ELAC1: variants seen among roughly 807,000 people sequenced by gnomAD.
The protein encoded by ELAC1 is zinc phosphodiesterase ELAC protein 1.
Under a neutral mutation model 25.8 loss-of-function variants are expected in ELAC1, and 19 were observed. The observed-to-expected ratio is 0.74, with a 90% confidence interval of 0.51 to 1.08. The LOEUF (loss-of-function observed/expected upper bound fraction) is 1.08, where lower values mean the gene tolerates loss of function less well. Ranked by LOEUF, ELAC1 falls within the 50% of genes least tolerant of loss-of-function variation. ELAC1 has a pLI of 0.00. For synonymous variants in ELAC1, 148 were observed against 160.9 expected (o/e 0.92, Z 0.61); for missense variants, 403 against 434.6 (o/e 0.93, Z 0.65).
At chr18:50,982,826 A>C (rs1252702484) in intron 2 of ELAC1, among the ~76,000 whole-genome samples, 1 of 150,216 alleles carries the variant, frequency 6.7e-6, no homozygotes, top group Non-Finnish European at 1.5e-5. Context: ...TCCCTCTCCT[A>C]CCTCCCTTCT....
chr18:50,968,272 C>G (rs1228234232), intron 1 of ELAC1, among the ~76,000 whole-genome samples, 158 bp downstream of exon 1: 5 of 152,016 alleles, frequency 3.3e-5, no homozygotes, highest in Non-Finnish European at 7.4e-5. Flanking sequence ...CTCGGCGGGC[C>G]GGAGCCTCGG....
intron 2 of ELAC1, among the ~76,000 whole-genome samples, chr18:50,976,412 G>T (rs1907797014): frequency 6.6e-6 from 1 of 152,188 alleles, no homozygotes; most frequent in African/African-American, 2.4e-5. Context: ...CATGGTGGAA[G>T]GCAAAGGCAG....
chr18:50,981,510 A>G (rs537850874), intron 2 of ELAC1, among the ~76,000 whole-genome samples: 29 of 152,266 alleles, frequency 1.9e-4, no homozygotes, highest in South Asian at 1.0e-3. Flanking sequence ...TGTGGATGAC[A>G]TATTCCCCCA....
chr18:50,974,247 C>A lies in ELAC1; in HGVS notation c.-8-150C>A, dbSNP rs1907735444. 4 of 527,262 alleles carry A rather than the reference C, an allele frequency of 7.6e-6. No homozygotes were observed. The East Asian group carries it at 1.5e-4, about 19-fold the overall frequency. 32.7% of individuals were successfully genotyped at this position (527,262 alleles called of 1,614,324 possible). On this transcript the variant is annotated intron_variant, in intron 1 of 3. Coordinates refer to ENST00000269466, the MANE Select transcript of ELAC1 (RefSeq NM_018696.3). ...TGTAGTTTTAGCCAAGTTATTAAAACCTTACTGTGGATATGTGTGGAATAC... is the reference window on the plus strand; with the variant it reads ...TGTAGTTTTAGCCAAGTTATTAAAAACTTACTGTGGATATGTGTGGAATAC...
chr18:50,970,772 C>CA (rs1599143020), intron 1 of ELAC1, among the ~76,000 whole-genome samples: 1 of 151,462 alleles, frequency 6.6e-6, no homozygotes, highest in Non-Finnish European at 1.5e-5. Flanking sequence ...AAACATAATG[C>CA]AATAAATTTA....
At chr18:50,985,143 A>G (rs528285692) in intron 3 of ELAC1, among the ~76,000 whole-genome samples, 4 of 152,198 alleles carry the variant, frequency 2.6e-5, no homozygotes, top group East Asian at 3.9e-4. Context: ...ACCTTATACT[A>G]TCTTGGTTGG....
At chr18:50,981,091 C>A (rs916138401) in intron 2 of ELAC1, among the ~76,000 whole-genome samples, 3 of 145,716 alleles carry the variant, frequency 2.1e-5, no homozygotes, top group Non-Finnish European at 2.9e-5. Context: ...ACACCCCCAC[C>A]CCCCGCCACC....
rs751258412 is a variant in ELAC1 at position 50,984,530 on chromosome 18, G to C, written c.592G>C (p.Gly198Arg). Residue 198 changes from glycine (G) to arginine (R), a missense_variant, in exon 3 of 4, where the codon GGT (glycine) becomes CGT (arginine). Physicochemically the swap from Gly to Arg is moderately radical, Grantham distance 125. Coordinates refer to ENST00000269466, the MANE Select transcript of ELAC1 (RefSeq NM_018696.3). ...GFSVVEKKRP[G>R]KLNAQKLKDL... ...TTCAGTCGTGGAAAAGAAACGCCCA[G>C]GTAAACTCAATGCACAGAAACTTAA... The C allele has an allele frequency of 2.5e-6, 4 of 1,613,956 alleles. No homozygotes were observed. In the Admixed American group the frequency reaches 6.7e-5, roughly 27 times the overall value.
At position 50,987,322 on chromosome 18, in the gene ELAC1, A is replaced by T; in HGVS notation, c.*237A>T. The T allele has an allele frequency of 2.6e-6, 1 of 383,742 alleles. No individual in the cohort carries two copies. The allele number at this position is 383,742 out of a possible 1,614,324, so 23.8% of individuals were successfully genotyped here. A position where few individuals can be genotyped will look rare whatever the true frequency, so the allele number is the denominator to read the frequency against. On this transcript the variant is annotated 3_prime_UTR_variant, in exon 4 of 4. Transcript: ENST00000269466. ...TTTGAAGTCCAGATTTGTCAAAATG[A>T]TAGACTATTCAGTTATACATCTTAT...
intron 1 of ELAC1, among the ~76,000 whole-genome samples, chr18:50,971,414 G>A (rs1431409547): frequency 6.6e-6 from 1 of 152,104 alleles, no homozygotes. Flanking sequence ...GTGAGAGTGG[G>A]TCTTGTTCTG....
chr18:50,986,674 G>A lies in ELAC1; in HGVS notation c.681G>A (p.Leu227=). The change falls in exon 4 of 4, where the codon CTG becomes CTA. Residue 227 remains leucine, a synonymous_variant. Transcript: ENST00000269466. ...TGAAAAATGGAATTTCTGTTGTTCT[G>A]GAAAATGGGGTTACAATTTCTCCCC... ...GKLKNGISVV[L]ENGVTISPQD... 3.1e-6 allele frequency: 5 copies of A among 1,614,054 alleles called. No homozygotes were observed. The highest frequency in any genetic ancestry group is 3.4e-6 in the Non-Finnish European group (4 of 1,179,956).
intron 2 of ELAC1, among the ~76,000 whole-genome samples, chr18:50,978,826 A>G (rs1599147234): frequency 6.6e-6 from 1 of 152,224 alleles, no homozygotes; most frequent in Non-Finnish European, 1.5e-5. Flanking sequence ...GGACCTAGAG[A>G]AGAAGTCAGG....
At chr18:50,974,634 AT>A in intron 2 of ELAC1, 73 bp downstream of exon 2, 1 of 1,472,962 alleles carries the variant, frequency 6.8e-7, no homozygotes, top group Non-Finnish European at 9.4e-7. Flanking sequence ...CTCCTTGGAC[AT>A]TTTGTTTAGA....
chr18:50,972,813 A>G (rs907691149), intron 1 of ELAC1, among the ~76,000 whole-genome samples: 2 of 152,184 alleles, frequency 1.3e-5, no homozygotes. Context: ...AGATTGCTGT[A>G]GTAAATGTTA....
At chr18:50,972,063 G>GTT (rs11404046) in intron 1 of ELAC1, among the ~76,000 whole-genome samples, 1 of 144,862 alleles carries the variant, frequency 6.9e-6, no homozygotes, top group Non-Finnish European at 1.5e-5. Context: ...TTTTTTTCAG[G>GTT]TTTTTTTTCT....
rs552455433 is a variant in ELAC1 at position 50,983,155 on chromosome 18, G to GTTTTTTTTTT, written c.158-924_158-915dup. On this transcript the variant is annotated intron_variant, in intron 2 of 3. Transcript: ENST00000269466. ...GGTACACTTGTATATTTTACTTGGT[G>GTTTTTTTTTT]TTTTTTTTTTTTTTTTTTTTTTTTT... Among the ~76,000 whole-genome samples, 9 of 60,876 alleles carry GTTTTTTTTTT rather than the reference G, an allele frequency of 1.5e-4. 1 individual carries two copies. Among genetic ancestry groups the GTTTTTTTTTT allele is most frequent in the African/African-American group, 4.4e-4 (7 of 15,876 alleles). The allele number at this position is 60,876 out of a possible 152,430, so 39.9% of individuals were successfully genotyped here.
intron 2 of ELAC1, among the ~76,000 whole-genome samples, chr18:50,981,682 A>AGG (rs900139010): frequency 9.2e-5 from 14 of 152,146 alleles, no homozygotes; most frequent in Non-Finnish European, 1.9e-4. Context: ...TGATAACTGT[A>AGG]GGAAGCAGTT....
intron 2 of ELAC1, among the ~76,000 whole-genome samples, chr18:50,977,767 C>T (rs998933283): frequency 6.6e-6 from 1 of 152,174 alleles, no homozygotes; most frequent in African/African-American, 2.4e-5. Context: ...ATTTTCTGAA[C>T]TTTTATGCTC....
chr18:50,986,573 A>G lies in ELAC1; in HGVS notation c.626-46A>G, dbSNP rs761531934. 19 of 1,453,158 alleles carry G rather than the reference A, an allele frequency of 1.3e-5. No homozygotes were observed. The Middle Eastern group carries it at 1.4e-3, about 110-fold the overall frequency. 90.0% of individuals were successfully genotyped at this position (1,453,158 alleles called of 1,614,324 possible). ...TGTTAAAATAGACTCTTGAAAAGTC[A>G]TAAATTCCATTCCTATGATGTAATG... On this transcript the variant is annotated intron_variant, in intron 3 of 3. Transcript: ENST00000269466.
Sources: allele counts gnomAD v4.1 joint callset (sites outside exome capture counted in the v4.1 genomes callset), GRCh38; gene constraint gnomAD v4.1.1; transcripts MANE v1.5; gene names NCBI Gene and HGNC (gene_info 2026-07-23, HGNC 2026-07-21).